C2orf69: variants seen among roughly 807,000 people sequenced by gnomAD.
C2orf69 encodes the protein chromosome 2 open reading frame 69.
Under a neutral mutation model 29.5 loss-of-function variants are expected in C2orf69, and 19 were observed. That is an observed-to-expected ratio of 0.65 (90% CI 0.45 to 0.95). The LOEUF is 0.95. C2orf69 is among the 40% of genes least tolerant of loss of function. The pLI is 0.00. For synonymous variants in C2orf69, 194 were observed against 180.0 expected (o/e 1.08, Z -0.62); for missense variants, 416 against 482.1 (o/e 0.86, Z 1.28).
At chr2:199,913,194 A>C (rs74182322) in intron 1 of C2orf69, among the ~76,000 whole-genome samples, 58,162 of 92,962 alleles carry the variant, frequency 0.63, 18,657 homozygotes, top group African/African-American at 0.71. Flanking sequence ...TATATATATT[A>C]TATATAATAT....
chr2:199,918,748 C>T (rs2077302820), intron 1 of C2orf69, among the ~76,000 whole-genome samples: 1 of 152,112 alleles, frequency 6.6e-6, no homozygotes, highest in African/African-American at 2.4e-5. Context: ...TAGAGTATCT[C>T]CATTATCCTA....
rs962264108 is a variant in C2orf69 at position 199,926,152 on chromosome 2, C to A, written c.*266C>A. The A allele has an allele frequency of 9.2e-6, 3 of 326,176 alleles. No individual in the cohort carries two copies. Among genetic ancestry groups the A allele is most frequent in the Admixed American group, 4.3e-5 (1 of 23,182 alleles). The allele number at this position is 326,176 out of a possible 1,614,324, so 20.2% of individuals were successfully genotyped here. A position where few individuals can be genotyped will look rare whatever the true frequency, so the allele number is the denominator to read the frequency against. On this transcript the variant is annotated 3_prime_UTR_variant, in exon 2 of 2. Transcript: ENST00000319974. ...AATAATGCTGAGGAGATATAAGACC[C>A]TTAAAATGAAAGTTACAACATTGTT...
chr2:199,923,973 T>G (rs547369380), intron 1 of C2orf69, among the ~76,000 whole-genome samples: 8 of 152,292 alleles, frequency 5.3e-5, no homozygotes, highest in African/African-American at 1.9e-4. Flanking sequence ...ATGAATAAAT[T>G]TGAATGAATC....
chr2:199,915,795 A>T (rs1170854597), intron 1 of C2orf69, among the ~76,000 whole-genome samples: 6 of 151,896 alleles, frequency 4.0e-5, no homozygotes, highest in Admixed American at 1.3e-4. Context: ...GGGATTATAG[A>T]TGTGAGCCAC....
At chr2:199,920,570 C>G (rs1239248645) in intron 1 of C2orf69, among the ~76,000 whole-genome samples, 3 of 151,958 alleles carry the variant, frequency 2.0e-5, no homozygotes, top group Admixed American at 6.6e-5. Flanking sequence ...TAGATGAGCC[C>G]TTCGAGATGT....
chr2:199,911,526 G>A lies in C2orf69; in HGVS notation c.88G>A (p.Ala30Thr), dbSNP rs572997218. 1.8e-4 allele frequency: 286 copies of A among 1,549,716 alleles called. 2 individuals are homozygous for A. In the South Asian group the frequency reaches 3.2e-3, roughly 18 times the overall value. ...CGGAAACGCCTCGTCCTGCTCTCAG[G>A]CCAGAACCATGAACCCGGGCGGCAG... ...GIGNASSCSQ[A>T]RTMNPGGSGG... is the part of the protein sequence containing the mutation. The change falls in exon 1 of 2, where the codon GCC becomes ACC. Residue 30 changes from alanine (A) to threonine (T), a missense_variant. Ala to Thr is a moderately conservative substitution (Grantham distance 58). Around this residue, in one of 4 missense-constraint regions of C2orf69, gnomAD observed 175 missense variants for 139.9 expected, o/e 1.25. Transcript: ENST00000319974.
At chr2:199,913,353 A>G (rs1401314221) in intron 1 of C2orf69, among the ~76,000 whole-genome samples, 1 of 78,632 alleles carries the variant, frequency 1.3e-5, no homozygotes, top group Non-Finnish European at 2.3e-5. Context: ...TATATATTAT[A>G]TATAATATAT....
At chr2:199,914,250 C>T (rs562154304) in intron 1 of C2orf69, among the ~76,000 whole-genome samples, 91 of 152,296 alleles carry the variant, frequency 6.0e-4, no homozygotes, top group South Asian at 8.3e-4. Flanking sequence ...CTAGCCTACA[C>T]ATATTCCCCA....
chr2:199,925,323 C>CA lies in C2orf69; in HGVS notation c.596dup (p.Asn200GlufsTer2), dbSNP rs2077331571. The CA allele has an allele frequency of 6.2e-7, 1 of 1,612,600 alleles. No individual in the cohort carries two copies. Among genetic ancestry groups the CA allele is most frequent in the Non-Finnish European group, 8.5e-7 (1 of 1,179,340 alleles). ...ATTAGTTAATGCTTTTAATTTAAGT[C>CA]AGAATAGTTTATCAAAGAAAAGTTT... On this transcript the variant is annotated frameshift_variant, in exon 2 of 2. Coordinates refer to ENST00000319974, the MANE Select transcript of C2orf69 (RefSeq NM_153689.6). LOFTEE classifies it high-confidence loss of function. The surrounding 1 kb of genome is among the most constrained non-coding windows in gnomAD (Gnocchi z 4.9).
At position 199,911,311 on chromosome 2, in the gene C2orf69, A is replaced by G; in HGVS notation, c.-128A>G. ...CGTCGGCCTCTGACGTCGTCGCCTC[A>G]GCGCCGGCTCCCGGCCGGGCCGCGG... On this transcript the variant is annotated 5_prime_UTR_variant, in exon 1 of 2. Transcript: ENST00000319974. 2 of 1,183,062 alleles carry G rather than the reference A, an allele frequency of 1.7e-6. No homozygotes were observed. The highest frequency in any genetic ancestry group is 2.2e-6 in the Non-Finnish European group (2 of 902,950). The allele number at this position is 1,183,062 out of a possible 1,614,324, so 73.3% of individuals were successfully genotyped here.
chr2:199,912,563 T>C (rs1225262278), intron 1 of C2orf69, among the ~76,000 whole-genome samples: 5 of 152,234 alleles, frequency 3.3e-5, no homozygotes, highest in Admixed American at 1.3e-4. Flanking sequence ...AGCACAGATA[T>C]ATAGCATTAT....
At chr2:199,923,104 C>A (rs1271338344) in intron 1 of C2orf69, among the ~76,000 whole-genome samples, 1 of 152,208 alleles carries the variant, frequency 6.6e-6, no homozygotes, top group Admixed American at 6.5e-5. Context: ...CCTGAAATAC[C>A]CACGTGGTTC....
Position 199,925,121 on chromosome 2 carries a change from A to G in C2orf69, c.393A>G (p.Leu131=). The G allele has an allele frequency of 6.2e-7, 1 of 1,613,054 alleles. No homozygotes were observed. Among genetic ancestry groups the G allele is most frequent in the Non-Finnish European group, 8.5e-7 (1 of 1,179,182 alleles). ...PENYQWENWS[L]ENVATILAHR... ...ATTATCAATGGGAAAACTGGAGTCT[A>G]GAAAATGTTGCTACCATTTTAGCCC... The change falls in exon 2 of 2, where the codon CTA becomes CTG. Residue 131 remains leucine (L), a synonymous_variant. Coordinates refer to ENST00000319974, the MANE Select transcript of C2orf69 (RefSeq NM_153689.6). The surrounding 1 kb of genome is among the most constrained non-coding windows in gnomAD (Gnocchi z 4.9).
Position 199,915,836 on chromosome 2 carries a change from A to T in C2orf69, c.333+4065A>T, listed in dbSNP as rs545470082. Among the ~76,000 whole-genome samples, 17 of 152,122 alleles carry T rather than the reference A, an allele frequency of 1.1e-4. No homozygotes were observed. The South Asian group carries it at 3.5e-3, about 32-fold the overall frequency. ...CTGGCCTGAAGCTTCACCTATCTTGATACTGTTTCATTATTTGGTGTTTGT... is the reference window on the plus strand; with the variant it reads ...CTGGCCTGAAGCTTCACCTATCTTGTTACTGTTTCATTATTTGGTGTTTGT... On this transcript the variant is annotated intron_variant, in intron 1 of 1. Transcript: ENST00000319974.
intron 1 of C2orf69, among the ~76,000 whole-genome samples, chr2:199,924,145 T>A (rs146536354): frequency 6.6e-6 from 1 of 152,166 alleles, no homozygotes; most frequent in South Asian, 2.1e-4. Flanking sequence ...TGGTGACTCA[T>A]GCCTATAATA....
At chr2:199,918,325 A>T (rs1312419806) in intron 1 of C2orf69, among the ~76,000 whole-genome samples, 1 of 152,092 alleles carries the variant, frequency 6.6e-6, no homozygotes, top group East Asian at 1.9e-4. Flanking sequence ...GTATATAATT[A>T]TATGTATCCC....
chr2:199,924,447 G>A (rs2077328451), intron 1 of C2orf69, among the ~76,000 whole-genome samples: 3 of 152,172 alleles, frequency 2.0e-5, no homozygotes, highest in Admixed American at 6.5e-5. Flanking sequence ...GAATAGGCAA[G>A]AGTAGAAATC....
At position 199,911,568 on chromosome 2, in the gene C2orf69, T is replaced by G. The variant is rs2077259274; in HGVS notation, c.130T>G (p.Ser44Ala). ...GGGCGGCAGCGGCGGCGCGCGATGC[T>G]CCCTCTCGGCCGAGGTGCGCCGCCG... ...NPGGSGGARC[S>A]LSAEVRRRQC... The change falls in exon 1 of 2, where the codon TCC (serine) becomes GCC (alanine). Residue 44 changes from serine to alanine, a missense_variant. Coordinates refer to ENST00000319974, the MANE Select transcript of C2orf69 (RefSeq NM_153689.6). 1 of 1,549,672 alleles carries G rather than the reference T, an allele frequency of 6.5e-7. No individual in the cohort carries two copies. Among genetic ancestry groups the G allele is most frequent in the Non-Finnish European group, 8.7e-7 (1 of 1,146,704 alleles).
At chr2:199,917,448 T>C (rs1413833827) in intron 1 of C2orf69, among the ~76,000 whole-genome samples, 1 of 152,220 alleles carries the variant, frequency 6.6e-6, no homozygotes, top group Admixed American at 6.5e-5. Context: ...TTTTATGTGC[T>C]ACTTCCCATT....
Sources: gnomAD v4.1 joint callset for allele counts (sites outside exome capture counted in the v4.1 genomes callset) on GRCh38, gnomAD v4.1.1 for gene constraint, gnomAD v4.1.1 regional missense constraint, Gnocchi (gnomAD v3.1) non-coding constraint, MANE v1.5 for transcripts, NCBI Gene and HGNC (gene_info 2026-07-23, HGNC 2026-07-21) for gene names.